FLT1: variants seen among roughly 807,000 people sequenced by gnomAD.
FLT1 encodes fms related receptor tyrosine kinase 1, also known as vascular endothelial growth factor receptor 1.
Under a neutral mutation model 156.3 loss-of-function variants are expected in FLT1, and 49 were observed. That is an observed-to-expected ratio of 0.31 (90% confidence interval 0.25 to 0.40). The LOEUF (loss-of-function observed/expected upper bound fraction) is 0.40. Ranked by LOEUF, FLT1 falls within the 10% of genes least tolerant of loss-of-function variation. The pLI is 1.00. For synonymous variants in FLT1, 594 were observed against 583.8 expected, an observed-to-expected ratio of 1.02 and a Z score of -0.25; for missense variants, 1,322 against 1,637.2, an observed-to-expected ratio of 0.81 and a Z score of 3.32.
intron 1 of FLT1, among the ~76,000 whole-genome samples, chr13:28,484,880 G>C (rs1246027413): frequency 3.3e-5 from 5 of 149,440 alleles, no homozygotes; most frequent in African/African-American, 1.2e-4. Flanking sequence ...GCATGGTTAA[G>C]AGGACCGTAC....
rs529018277 is a variant in FLT1, at chr13:28,475,277, AT to A, written c.65-7661del. Among the ~76,000 whole-genome samples the A allele has an allele frequency of 5.0e-3, 754 of 152,234 alleles. 5 individuals carry two copies. The highest frequency in any genetic ancestry group is 0.017 in the African/African-American group (701 of 41,524). The stretch of plus-strand genomic sequence containing the variant: ...AAATCTGGTGTTTCCTTTTATATCA[AT>A]TTTTTATTTCTAATTTATTTGTTTT... On this transcript the variant is annotated intron_variant, in intron 1 of 29. Transcript: ENST00000282397.
At chr13:28,393,735 TG>T (rs1171051223) in intron 12 of FLT1, among the ~76,000 whole-genome samples, 1 of 152,120 alleles carries the variant, frequency 6.6e-6, no homozygotes, top group Non-Finnish European at 1.5e-5. Context: ...TACAGGCACG[TG>T]CCAGCAGGCC....
intron 20 of FLT1, 67 bp downstream of exon 20, chr13:28,327,395 A>G: frequency 1.1e-6 from 1 of 940,054 alleles, no homozygotes; most frequent in Non-Finnish European, 1.8e-6. Flanking sequence ...CTCTTGCTTT[A>G]TGTTGTTACA....
intron 1 of FLT1, among the ~76,000 whole-genome samples, chr13:28,493,405 G>T (rs1322834777): frequency 6.6e-6 from 1 of 152,120 alleles, no homozygotes; most frequent in Non-Finnish European, 1.5e-5. Context: ...GGGTTTAGTA[G>T]TTTCTCCAAT....
chr13:28,368,361 A>C (rs1873383134), intron 14 of FLT1: 1 of 889,686 alleles, frequency 1.1e-6, no homozygotes, highest in African/African-American at 1.7e-5. Flanking sequence ...CATCTTGGTC[A>C]GGCTGGTCTT....
intron 11 of FLT1, among the ~76,000 whole-genome samples, chr13:28,403,993 G>T (rs1875624155): frequency 1.3e-5 from 2 of 150,174 alleles, no homozygotes; most frequent in Admixed American, 1.3e-4. Flanking sequence ...CGTGAGCTGA[G>T]ATTGGGCCAC....
At chr13:28,366,065 T>C (rs889285497) in intron 14 of FLT1, among the ~76,000 whole-genome samples, 1 of 152,116 alleles carries the variant, frequency 6.6e-6, no homozygotes, top group Non-Finnish European at 1.5e-5. Context: ...GGGATTTGAG[T>C]CTGGTGTTGT....
intron 10 of FLT1, among the ~76,000 whole-genome samples, chr13:28,410,207 C>T (rs1876071883): frequency 6.6e-6 from 1 of 152,192 alleles, no homozygotes; most frequent in Admixed American, 6.5e-5. Context: ...CCTCTCCCCT[C>T]CCCCTACTTA....
intron 28 of FLT1, among the ~76,000 whole-genome samples, chr13:28,307,921 A>G (rs1974025): frequency 0.88 from 134,471 of 152,106 alleles, 60,724 homozygotes; most frequent in East Asian, 1. Flanking sequence ...ACAGGAGCCC[A>G]CCACCACGCC....
chr13:28,380,677 GGGT>G (rs1192583660), intron 14 of FLT1, among the ~76,000 whole-genome samples: 2 of 152,028 alleles, frequency 1.3e-5, no homozygotes, highest in Non-Finnish European at 2.9e-5. Context: ...AGAGAAAGCT[GGGT>G]GGTGGAGGGG....
intron 8 of FLT1, among the ~76,000 whole-genome samples, chr13:28,429,521 G>C (rs547547260): frequency 6.6e-6 from 1 of 152,112 alleles, no homozygotes; most frequent in South Asian, 2.1e-4. Context: ...TATCTTTCTA[G>C]CCAAAAAAAA....
chr13:28,406,745 A>C (rs558616577), intron 10 of FLT1, among the ~76,000 whole-genome samples: 3 of 152,146 alleles, frequency 2.0e-5, no homozygotes, highest in Non-Finnish European at 4.4e-5. Flanking sequence ...CTCTGGGTTC[A>C]AGCAATCCTG....
At chr13:28,357,500 CAG>C in intron 15 of FLT1, 52 bp downstream of exon 15, 1 of 1,594,844 alleles carries the variant, frequency 6.3e-7, no homozygotes, top group Non-Finnish European at 8.6e-7. Flanking sequence ...GTTAAACAAA[CAG>C]GGAAATAGAT....
chr13:28,449,489 A>G (rs971408853), intron 3 of FLT1, among the ~76,000 whole-genome samples: 5 of 152,202 alleles, frequency 3.3e-5, no homozygotes, highest in East Asian at 1.9e-4. Flanking sequence ...AGCTAAAAAT[A>G]TAACAACTGT....
Position 28,311,673 on chromosome 13 carries a change from G to A in FLT1, c.3552C>T (p.Tyr1184=), listed in dbSNP as rs55673217. 2.7e-3 allele frequency: 4,414 copies of A among 1,613,416 alleles called. 14 individuals carry two copies. The highest frequency in any genetic ancestry group is 3.5e-3 in the Non-Finnish European group (4,070 of 1,179,432). The part of the protein sequence containing the change: ...AILTGNSGFT[Y]STPAFSEDFF... ...AGTCCTCAGAGAAGGCAGGAGTTGA[G>A]TATGTAAACCCACTATTTCCTGTCA... is the stretch of plus-strand genomic sequence containing the variant. The change falls in exon 27 of 30, where the codon TAC becomes TAT. Residue 1184 remains tyrosine, a synonymous_variant. Coordinates refer to ENST00000282397, the MANE Select transcript of FLT1 (RefSeq NM_002019.4).
intron 18 of FLT1, among the ~76,000 whole-genome samples, chr13:28,330,101 G>T (rs907981503): frequency 1.3e-5 from 2 of 152,212 alleles, no homozygotes; most frequent in Non-Finnish European, 2.9e-5. Context: ...ACACCTCCAC[G>T]TCCCCTCTTC....
At chr13:28,423,658 C>A (rs572616285) in intron 10 of FLT1, among the ~76,000 whole-genome samples, 1 of 152,172 alleles carries the variant, frequency 6.6e-6, no homozygotes, top group African/African-American at 2.4e-5. Context: ...TTACCTCATT[C>A]GATCCTCATA....
intron 16 of FLT1, among the ~76,000 whole-genome samples, chr13:28,342,171 C>A (rs1028264533): frequency 2.0e-5 from 3 of 152,176 alleles, no homozygotes; most frequent in Non-Finnish European, 4.4e-5. Context: ...GCATGAGCCA[C>A]CGTGCCCGGC....
rs564766702 is a variant in FLT1, at chr13:28,362,546, C to T, written c.2117-4861G>A. Among the ~76,000 whole-genome samples, 266 of 152,262 alleles carry T rather than the reference C, an allele frequency of 1.7e-3. 1 individual carries two copies. Among genetic ancestry groups the T allele is most frequent in the Non-Finnish European group, 2.3e-3 (155 of 68,016 alleles). On this transcript the variant is annotated intron_variant, in intron 14 of 29. Transcript: ENST00000282397. ...CAAGGATAGCATCATGGGCTGGGCACAGTGGCTCATGCCTATAATCCCAGC... is the reference window on the plus strand; with the variant it reads ...CAAGGATAGCATCATGGGCTGGGCATAGTGGCTCATGCCTATAATCCCAGC...
Sources: gnomAD v4.1 joint callset for allele counts (sites outside exome capture counted in the v4.1 genomes callset) on GRCh38, gnomAD v4.1.1 for gene constraint, MANE v1.5 for transcripts, NCBI Gene and HGNC (gene_info 2026-07-23, HGNC 2026-07-21) for gene names.